The following SEC22A variants were observed in gnomAD, a reference collection of about 807,000 sequenced individuals.
The protein encoded by SEC22A is vesicle-trafficking protein SEC22a.
A neutral mutation model predicts 35.3 loss-of-function variants in SEC22A; 22 were observed. That is an observed-to-expected ratio of 0.62 (90% CI 0.45 to 0.89). The LOEUF is 0.89. SEC22A is among the 40% of genes least tolerant of loss of function. The pLI, the probability that SEC22A is intolerant of heterozygous loss-of-function variation, is 0.00. For missense variants in SEC22A, 354 were observed against 362.5 expected, an observed-to-expected ratio of 0.98 and a Z score of 0.19; for synonymous variants, 119 against 129.5, an observed-to-expected ratio of 0.92 and a Z score of 0.55.
chr3:123,254,228 G>A (rs1937671604), intron 5 of SEC22A, among the ~76,000 whole-genome samples: 1 of 151,602 alleles, frequency 6.6e-6, no homozygotes, highest in South Asian at 2.1e-4. Context: ...CGCTGTGTTG[G>A]CCAGGTTGGT....
chr3:123,212,801 T>C (rs572092464), intron 2 of SEC22A, among the ~76,000 whole-genome samples: 2 of 152,220 alleles, frequency 1.3e-5, no homozygotes, highest in African/African-American at 4.8e-5. Context: ...TGAGGTAACA[T>C]TTCCTTCTGG....
chr3:123,253,100 C>G (rs973681239), intron 5 of SEC22A, among the ~76,000 whole-genome samples: 1 of 151,968 alleles, frequency 6.6e-6, no homozygotes, highest in Admixed American at 6.6e-5. Flanking sequence ...GCATATGGCA[C>G]ATTAGAAAAA....
intron 5 of SEC22A, among the ~76,000 whole-genome samples, chr3:123,249,941 C>T (rs781559268): frequency 6.6e-6 from 1 of 152,182 alleles, no homozygotes; most frequent in Non-Finnish European, 1.5e-5. Flanking sequence ...AAACAAGAGT[C>T]TCCTAGCATG....
intron 1 of SEC22A, chr3:123,204,611 A>G (rs1381830180): frequency 6.6e-6 from 1 of 152,158 alleles, no homozygotes; most frequent in Admixed American, 6.5e-5. Flanking sequence ...CTTGCTAACC[A>G]CTACTATAGT....
intron 3 of SEC22A, among the ~76,000 whole-genome samples, chr3:123,224,117 C>T (rs1483813854): frequency 6.6e-6 from 1 of 152,156 alleles, no homozygotes; most frequent in African/African-American, 2.4e-5. Context: ...GTCCCTGTCA[C>T]AACTATTCAG....
intron 5 of SEC22A, among the ~76,000 whole-genome samples, chr3:123,259,318 A>G (rs1018940622): frequency 6.6e-6 from 1 of 152,162 alleles, no homozygotes; most frequent in African/African-American, 2.4e-5. Flanking sequence ...GCCAAAATGA[A>G]GAGGAACACT....
chr3:123,239,909 A>G (rs1050745993), intron 4 of SEC22A, among the ~76,000 whole-genome samples: 1 of 152,118 alleles, frequency 6.6e-6, no homozygotes, highest in African/African-American at 2.4e-5. Context: ...GTGGTAAGGA[A>G]TGGGTGAGGC....
chr3:123,232,111 G>A (rs1208370618), intron 4 of SEC22A, among the ~76,000 whole-genome samples: 1 of 152,102 alleles, frequency 6.6e-6, no homozygotes, highest in African/African-American at 2.4e-5. Context: ...ATGGTGGCAC[G>A]TGCCTGTAAT....
chr3:123,251,432 C>A (rs757995556), intron 5 of SEC22A, among the ~76,000 whole-genome samples: 26 of 152,282 alleles, frequency 1.7e-4, no homozygotes, highest in Middle Eastern at 3.4e-3. Flanking sequence ...ATCCAGGGAA[C>A]TGTAAATTGG....
Position 123,260,169 on chromosome 3 carries a change from A to AAAAAAAAAAAAAAAAAAAAAC in SEC22A, c.723+580_723+581insAAAAAAAAAAAAAAAAAAAAC, listed in dbSNP as rs1559763879. 2.6e-5 allele frequency among the ~76,000 whole-genome samples: 3 copies of AAAAAAAAAAAAAAAAAAAAAC among 114,836 alleles called. 1 individual carries two copies. The highest frequency in any genetic ancestry group is 7.0e-5 in the African/African-American group (2 of 28,756). 75.3% of individuals were successfully genotyped at this position (114,836 alleles called of 152,430 possible). A position where few individuals can be genotyped will look rare whatever the true frequency, so the allele number is the denominator to read the frequency against. On this transcript the variant is annotated intron_variant, in intron 6 of 6. Coordinates refer to ENST00000492595, the MANE Select transcript of SEC22A (RefSeq NM_012430.5). ...AAAAAAAAAAAAAAAAAAAAAAAAA[A>AAAAAAAAAAAAAAAAAAAAAC]CTACTAGATTTTCTGGTGGTTGATT...
At chr3:123,253,661 G>A (rs961161170) in intron 5 of SEC22A, among the ~76,000 whole-genome samples, 3 of 144,006 alleles carry the variant, frequency 2.1e-5, no homozygotes, top group Admixed American at 7.4e-5. Flanking sequence ...GTAGTGAGCC[G>A]AAGATTGTGC....
Position 123,236,671 on chromosome 3 carries a change from A to G in SEC22A, c.542-9228A>G, listed in dbSNP as rs1247851698. On this transcript the variant is annotated intron_variant, in intron 4 of 6. Transcript: ENST00000492595. The stretch of plus-strand genomic sequence containing the variant: ...AAGGTCCTGGTAGAAGCAATCAAAT[A>G]TCTTTCTTGGAAGAAGATAGTGTCA... Among the ~76,000 whole-genome samples, 2 of 152,230 alleles carry G rather than the reference A, an allele frequency of 1.3e-5. 1 individual carries two copies. The highest frequency in any genetic ancestry group is 1.3e-4 in the Admixed American group (2 of 15,278).
chr3:123,251,635 A>G (rs1937615367), intron 5 of SEC22A, among the ~76,000 whole-genome samples: 1 of 152,236 alleles, frequency 6.6e-6, no homozygotes, highest in Non-Finnish European at 1.5e-5. Flanking sequence ...AGTTGGGGAT[A>G]ATGTAGTCCA....
At chr3:123,238,681 CT>C (rs1433150794) in intron 4 of SEC22A, among the ~76,000 whole-genome samples, 1 of 152,092 alleles carries the variant, frequency 6.6e-6, no homozygotes, top group Non-Finnish European at 1.5e-5. Flanking sequence ...GTTTTCCTCC[CT>C]CTGTTACAGT....
At chr3:123,222,061 CT>C (rs1937132316) in intron 2 of SEC22A, among the ~76,000 whole-genome samples, 1 of 152,232 alleles carries the variant, frequency 6.6e-6, no homozygotes, top group Non-Finnish European at 1.5e-5. Context: ...TCCTACCATA[CT>C]TTATCTACTC....
At chr3:123,269,781 C>A (rs1032607168) in intron 6 of SEC22A, among the ~76,000 whole-genome samples, 1 of 151,654 alleles carries the variant, frequency 6.6e-6, no homozygotes, top group African/African-American at 2.4e-5. Flanking sequence ...TACAGGCGCC[C>A]GCCACCACAC....
chr3:123,219,808 C>T (rs1347298370), intron 2 of SEC22A, among the ~76,000 whole-genome samples: 1 of 152,162 alleles, frequency 6.6e-6, no homozygotes, highest in African/African-American at 2.4e-5. Context: ...TGACTTTAGA[C>T]TATTTTATGA....
chr3:123,272,703 G>A lies in SEC22A; in HGVS notation c.*981G>A, dbSNP rs995068022. The A allele has an allele frequency of 1.3e-5, 2 of 153,662 alleles. No individual in the cohort carries two copies. The highest frequency in any genetic ancestry group is 2.4e-5 in the African/African-American group (1 of 41,448). The allele number at this position is 153,662 out of a possible 1,614,324, so 9.5% of individuals were successfully genotyped here. ...GTTACCAGCACCAGCATGAGGCACT[G>A]TCTCTGGAATAGTCAGAGGATAAAA... On this transcript the variant is annotated 3_prime_UTR_variant, in exon 7 of 7. Coordinates refer to ENST00000492595, the MANE Select transcript of SEC22A (RefSeq NM_012430.5).
At chr3:123,259,209 A>G (rs1937818856) in intron 5 of SEC22A, among the ~76,000 whole-genome samples, 1 of 152,222 alleles carries the variant, frequency 6.6e-6, no homozygotes. Flanking sequence ...ACATTTTTAC[A>G]TGATTTTTTT....
Sources: allele counts gnomAD v4.1 joint callset (sites outside exome capture counted in the v4.1 genomes callset), GRCh38; gene constraint gnomAD v4.1.1; transcripts MANE v1.5; gene names NCBI Gene and HGNC (gene_info 2026-07-23, HGNC 2026-07-21).